The following NPAS2 variants were observed in gnomAD, a reference collection of about 807,000 sequenced individuals.
NPAS2 encodes neuronal PAS domain-containing protein 2.
NPAS2 carries 23 observed loss-of-function variants against 107.5 expected under a neutral mutation model. The ratio of observed to expected loss-of-function variants is 0.21; its 90% CI spans 0.15 to 0.30. The LOEUF is 0.30. NPAS2 is among the 10% of genes least tolerant of loss of function. NPAS2 has a pLI of 1.00. For synonymous variants in NPAS2, 403 were observed against 417.5 expected (o/e 0.97, Z 0.42); for missense variants, 756 against 1,043.3 (o/e 0.72, Z 3.79).
intron 16 of NPAS2, 150 bp downstream of exon 16, chr2:100,982,527 A>G: frequency 3.3e-6 from 3 of 896,344 alleles, no homozygotes; most frequent in East Asian, 2.7e-5. Context: ...CAGTCTCTGC[A>G]AAGGACAAGG....
chr2:100,937,758 A>G lies in NPAS2; in HGVS notation c.279A>G (p.Leu93=), dbSNP rs760347031. Residue 93 remains leucine, a synonymous_variant, in exon 5 of 21, where the codon TTA becomes TTG. Transcript: ENST00000335681. The stretch of plus-strand genomic sequence containing the variant: ...AAATGTTGCATTTTCCACAGGCATT[A>G]GATGGCTTCATTATCGCAGTGACAA... ...EEFTQLMLEA[L]DGFIIAVTTD... 1 of 1,613,674 alleles carries G rather than the reference A, an allele frequency of 6.2e-7. No individual in the cohort carries two copies. Among genetic ancestry groups the G allele is most frequent in the South Asian group, 1.1e-5 (1 of 91,074 alleles).
At chr2:100,932,231 G>A (rs567454605) in intron 3 of NPAS2, among the ~76,000 whole-genome samples, 1 of 152,228 alleles carries the variant, frequency 6.6e-6, no homozygotes, top group South Asian at 2.1e-4. Context: ...AAATGCAGAA[G>A]AACTAAAATA....
chr2:100,891,093 G>T (rs551601971), intron 1 of NPAS2, among the ~76,000 whole-genome samples: 11 of 152,074 alleles, frequency 7.2e-5, no homozygotes, highest in Admixed American at 2.0e-4. Context: ...TTAGCCGGGC[G>T]TGGTGGCAGG....
At chr2:100,854,006 A>C (rs1321164826) in intron 1 of NPAS2, among the ~76,000 whole-genome samples, 1 of 149,094 alleles carries the variant, frequency 6.7e-6, no homozygotes, top group Non-Finnish European at 1.5e-5. Flanking sequence ...AAAAATTAGC[A>C]GGGCGTGGTG....
intron 7 of NPAS2, 65 bp from the exon 8 acceptor site, chr2:100,963,993 C>A: frequency 1.0e-6 from 1 of 986,340 alleles, no homozygotes; most frequent in Non-Finnish European, 1.6e-6. Context: ...TAAGTGCCAA[C>A]TAGGGATTGG....
At chr2:100,953,338 T>C (rs4851389) in intron 7 of NPAS2, among the ~76,000 whole-genome samples, 67,503 of 147,646 alleles carry the variant, frequency 0.46, 16,431 homozygotes, top group African/African-American at 0.62. Flanking sequence ...CACGCCACAG[T>C]ACTCCAGCCT....
intron 1 of NPAS2, among the ~76,000 whole-genome samples, chr2:100,860,269 C>A (rs1044625545): frequency 2.6e-5 from 4 of 152,120 alleles, no homozygotes; most frequent in Admixed American, 2.6e-4. Context: ...CTTATGTGTT[C>A]TAATGATTAG....
At chr2:100,939,654 A>C (rs1674463623) in intron 5 of NPAS2, among the ~76,000 whole-genome samples, 1 of 152,162 alleles carries the variant, frequency 6.6e-6, no homozygotes, top group Non-Finnish European at 1.5e-5. Context: ...GCACTGACCG[A>C]AAGCAACCAC....
At position 100,820,673 on chromosome 2, in the gene NPAS2, C is replaced by T. The variant is rs1377991440; in HGVS notation, c.-23+259C>T. Among the ~76,000 whole-genome samples, 3 of 152,060 alleles carry T rather than the reference C, an allele frequency of 2.0e-5. No individual in the cohort carries two copies. On this transcript the variant is annotated intron_variant, in intron 1 of 20. Coordinates refer to ENST00000335681, the MANE Select transcript of NPAS2 (RefSeq NM_002518.4). This position sits in a 1 kb window ranked among gnomAD's most constrained non-coding sequence, Gnocchi z 5.6. ...GGGCCGGTGGGCTCCGGGCGCGTCT[C>T]GACGCAGAAGACAGAGGACTGGGCA... is the stretch of plus-strand genomic sequence containing the variant.
chr2:100,866,050 T>C, intron 1 of NPAS2, among the ~76,000 whole-genome samples: 1 of 152,140 alleles, frequency 6.6e-6, no homozygotes, highest in East Asian at 1.9e-4. Context: ...ATTCCGTTTA[T>C]GAATGGATGG....
chr2:100,980,262 G>T (rs895875443), intron 15 of NPAS2, among the ~76,000 whole-genome samples: 9 of 152,150 alleles, frequency 5.9e-5, no homozygotes, highest in African/African-American at 2.2e-4. Flanking sequence ...TCCACTGCAG[G>T]TGGAAGGGGC....
intron 7 of NPAS2, chr2:100,962,882 G>C (rs1675994170): frequency 6.6e-6 from 1 of 152,244 alleles, no homozygotes; most frequent in South Asian, 2.1e-4. Flanking sequence ...GCCTAGGACA[G>C]TCCCCCCTCT....
intron 11 of NPAS2, 151 bp from the exon 12 acceptor site, chr2:100,970,838 CA>C: frequency 3.5e-6 from 2 of 563,502 alleles, no homozygotes; most frequent in Non-Finnish European, 3.1e-6. Context: ...TCATTCCTTC[CA>C]ACAAGTCACA....
chr2:100,819,442 C>G (rs1367243699), upstream of NPAS2, among the ~76,000 whole-genome samples: 1 of 152,190 alleles, frequency 6.6e-6, no homozygotes. This position sits in a 1 kb window ranked among gnomAD's most constrained non-coding sequence, Gnocchi z 5.8. Flanking sequence ...CGCCGACCAC[C>G]GCTCGCCCGC....
Position 100,894,006 on chromosome 2 carries a change from G to T in NPAS2, c.-22-10727G>T, listed in dbSNP as rs561310916. On this transcript the variant is annotated intron_variant, in intron 1 of 20. Coordinates refer to ENST00000335681, the MANE Select transcript of NPAS2 (RefSeq NM_002518.4). ...TAGTCCCTGGGGGAGACTGTCACTTGTATGACTCATTAGTCTTCTGTCTCA... is the reference window on the plus strand; with the variant it reads ...TAGTCCCTGGGGGAGACTGTCACTTTTATGACTCATTAGTCTTCTGTCTCA... 1.6e-4 allele frequency among the ~76,000 whole-genome samples: 25 copies of T among 152,330 alleles called. 1 individual carries two copies. The South Asian group carries it at 4.1e-3, about 25-fold the overall frequency.
intron 1 of NPAS2, among the ~76,000 whole-genome samples, chr2:100,837,734 C>T (rs917901319): frequency 6.6e-6 from 1 of 152,138 alleles, no homozygotes; most frequent in African/African-American, 2.4e-5. Flanking sequence ...GAGTTTTCCT[C>T]AGATTGGTCT....
At chr2:100,898,806 C>T (rs1361186975) in intron 1 of NPAS2, among the ~76,000 whole-genome samples, 1 of 150,292 alleles carries the variant, frequency 6.7e-6, no homozygotes, top group Non-Finnish European at 1.5e-5. Flanking sequence ...AAAAACAAAC[C>T]TGAAAGTTGA....
At chr2:100,845,041 A>C (rs1400755427) in intron 1 of NPAS2, among the ~76,000 whole-genome samples, 1 of 152,126 alleles carries the variant, frequency 6.6e-6, no homozygotes, top group Non-Finnish European at 1.5e-5. Context: ...CTCACAGTGG[A>C]AAGAAGGGAA....
At chr2:100,941,174 T>C (rs1331713332) in intron 5 of NPAS2, among the ~76,000 whole-genome samples, 1 of 152,262 alleles carries the variant, frequency 6.6e-6, no homozygotes, top group Non-Finnish European at 1.5e-5. Context: ...TGTGATAGAT[T>C]TTCGTACAGC....
Sources: gnomAD v4.1 joint callset for allele counts (sites outside exome capture counted in the v4.1 genomes callset) on GRCh38, gnomAD v4.1.1 for gene constraint, Gnocchi (gnomAD v3.1) non-coding constraint, MANE v1.5 for transcripts, NCBI Gene and HGNC (gene_info 2026-07-23, HGNC 2026-07-21) for gene names.